Variants in RAN observed in about 807,000 individuals in gnomAD.
The protein encoded by RAN is GTP-binding nuclear protein Ran.
Under a neutral mutation model 26.8 loss-of-function variants are expected in RAN, and 2 were observed. That is an observed-to-expected ratio of 0.07 (90% confidence interval 0.03 to 0.23). The LOEUF (loss-of-function observed/expected upper bound fraction) is 0.23, where lower values mean the gene tolerates loss of function less well. Among genes scored for constraint, RAN ranks in the 10% least tolerant of loss-of-function variants. The pLI, the probability that RAN is intolerant of heterozygous loss-of-function variation, is 1.00. For synonymous variants in RAN, 132 were observed against 95.9 expected, an observed-to-expected ratio of 1.38 and a Z score of -2.20; for missense variants, 56 against 264.8, an observed-to-expected ratio of 0.21 and a Z score of 5.47.
chr12:130,877,294 A>G lies in RAN; in HGVS notation c.*1368A>G, dbSNP rs1217501517. On this transcript the variant is annotated 3_prime_UTR_variant, in exon 7 of 7. Transcript: ENST00000543796. Reference sequence around the variant, plus strand: ...AAAAGGTATAGAAAGGATCACTTAAATATATGGAAAAATGAAATAAGGGTG... The same window carrying G: ...AAAAGGTATAGAAAGGATCACTTAAGTATATGGAAAAATGAAATAAGGGTG... 1 of 152,206 alleles carries G rather than the reference A, an allele frequency of 6.6e-6. No homozygotes were observed. The highest frequency in any genetic ancestry group is 1.5e-5 in the Non-Finnish European group (1 of 68,048). 9.4% of individuals were successfully genotyped at this position (152,206 alleles called of 1,614,324 possible).
intron 5 of RAN, 126 bp from the exon 6 acceptor site, chr12:130,875,486 G>C: frequency 3.4e-6 from 3 of 875,730 alleles, no homozygotes; most frequent in Non-Finnish European, 3.4e-6. Flanking sequence ...GAAAGTGCTG[G>C]GATTACAGGC....
At chr12:130,875,811 G>C in intron 6 of RAN, 29 bp downstream of exon 6, 1 of 1,614,124 alleles carries the variant, frequency 6.2e-7, no homozygotes, top group African/African-American at 1.3e-5. Flanking sequence ...TGTTCAGATT[G>C]TTCGGTTTGG....
Position 130,874,673 on chromosome 12 carries a change from T to C in RAN, c.375T>C (p.Asp125=). ...TTGTGTTGTGTGGCAACAAAGTGGA[T>C]ATTAAGGACAGGAAAGTGAAGGCGA... ...IPIVLCGNKV[D]IKDRKVKAKS... Residue 125 remains aspartate, a synonymous_variant, in exon 5 of 7, where the codon GAT becomes GAC. Coordinates refer to ENST00000543796, the MANE Select transcript of RAN (RefSeq NM_006325.5). The C allele has an allele frequency of 6.2e-7, 1 of 1,613,784 alleles. No homozygotes were observed. Among genetic ancestry groups the C allele is most frequent in the Non-Finnish European group, 8.5e-7 (1 of 1,179,762 alleles).
Position 130,876,175 on chromosome 12 carries a change from A to G in RAN, c.*249A>G, listed in dbSNP as rs1373457464. ...TGATTCCTTGAGTTTCATATATAAG[A>G]CTGCTGCAGTCACATCACAATATTC... On this transcript the variant is annotated 3_prime_UTR_variant, in exon 7 of 7. Transcript: ENST00000543796. The G allele has an allele frequency of 5.6e-6, 3 of 534,410 alleles. No homozygotes were observed. The highest frequency in any genetic ancestry group is 1.0e-5 in the Non-Finnish European group (3 of 300,260). 33.1% of individuals were successfully genotyped at this position (534,410 alleles called of 1,614,324 possible).
At chr12:130,875,187 T>C (rs766600072) in intron 5 of RAN, among the ~76,000 whole-genome samples, 3 of 152,178 alleles carry the variant, frequency 2.0e-5, no homozygotes, top group Non-Finnish European at 4.4e-5. Context: ...TGGGTTTCAC[T>C]GTTGGCCCGG....
chr12:130,872,353 C>T (rs1019982989), intron 1 of RAN: 40 of 158,614 alleles, frequency 2.5e-4, no homozygotes, highest in Non-Finnish European at 5.1e-4. Flanking sequence ...CATCCCCGTC[C>T]CGGTCCCAGT....
chr12:130,875,260 T>TG lies in RAN; in HGVS notation c.436-351dup, dbSNP rs1471537544. ...TGTTCGAGACAGGGTCTTGCTCTGT[T>TG]GCCCAGGCAGGAGTGCAGTGGCATG... On this transcript the variant is annotated intron_variant, in intron 5 of 6. Coordinates refer to ENST00000543796, the MANE Select transcript of RAN (RefSeq NM_006325.5). Among the ~76,000 whole-genome samples the TG allele has an allele frequency of 8.5e-5, 13 of 152,336 alleles. No individual in the cohort carries two copies. The South Asian group carries it at 2.7e-3, about 32-fold the overall frequency.
rs1953198435 is a variant in RAN at position 130,874,339 on chromosome 12, A to G, written c.248-207A>G. 4 of 494,980 alleles carry G rather than the reference A, an allele frequency of 8.1e-6. No homozygotes were observed. In the South Asian group the frequency reaches 1.4e-4, roughly 18 times the overall value. 30.7% of individuals were successfully genotyped at this position (494,980 alleles called of 1,614,324 possible). On this transcript the variant is annotated intron_variant, in intron 4 of 6. Transcript: ENST00000543796. ...GTATTAATGGTGAAGTATATCAGGG[A>G]GATTTGATAGGGTCAGCTCATCTCT...
rs557961315 is a variant in RAN at position 130,877,220 on chromosome 12, C to T, written c.*1294C>T. On this transcript the variant is annotated 3_prime_UTR_variant, in exon 7 of 7. Transcript: ENST00000543796. Reference sequence around the variant, plus strand: ...CATACGATTACTATAGTCCAGTTTACCAAAGTTTTCTTTAGATGTCTGATA... The same window carrying T: ...CATACGATTACTATAGTCCAGTTTATCAAAGTTTTCTTTAGATGTCTGATA... 1 of 152,048 alleles carries T rather than the reference C, an allele frequency of 6.6e-6. No individual in the cohort carries two copies. Among genetic ancestry groups the T allele is most frequent in the African/African-American group, 2.4e-5 (1 of 41,406 alleles). 9.4% of individuals were successfully genotyped at this position (152,048 alleles called of 1,614,324 possible).
rs547640958 is a variant in RAN at position 130,877,587 on chromosome 12, C to G, written c.*1661C>G. On this transcript the variant is annotated 3_prime_UTR_variant, in exon 7 of 7. Coordinates refer to ENST00000543796, the MANE Select transcript of RAN (RefSeq NM_006325.5). ...CAGTTGAAATTTGGAAGTGACGTCA[C>G]TTACCTGTCTAACGTGGTGTGGGAG... 6.6e-6 allele frequency: 1 copy of G among 152,340 alleles called. No individual in the cohort carries two copies. The highest frequency in any genetic ancestry group is 2.1e-4 in the South Asian group (1 of 4,834). The allele number at this position is 152,340 out of a possible 1,614,324, so 9.4% of individuals were successfully genotyped here.
chr12:130,873,290 AATTTT>A, intron 4 of RAN, 162 bp downstream of exon 4: 2 of 899,944 alleles, frequency 2.2e-6, no homozygotes, highest in Non-Finnish European at 3.4e-6. Flanking sequence ...TGGCAGAGAA[AATTTT>A]ATTAAAGTTG....
At position 130,875,983 on chromosome 12, in the gene RAN, T is replaced by A; in HGVS notation, c.*57T>A. ...AGTTTTATAGGCAGCTGTCCTGTGA[T>A]GTCAGCGGTGCAGCGTGTGTGCCAC... On this transcript the variant is annotated 3_prime_UTR_variant, in exon 7 of 7. Coordinates refer to ENST00000543796, the MANE Select transcript of RAN (RefSeq NM_006325.5). 6.4e-7 allele frequency: 1 copy of A among 1,553,906 alleles called. No homozygotes were observed. Among genetic ancestry groups the A allele is most frequent in the Non-Finnish European group, 8.9e-7 (1 of 1,126,966 alleles).
Position 130,872,585 on chromosome 12 carries a change from A to G in RAN, c.-9A>G. ...CGCCTCCGTCCTCTGCCTCCGCAGG[A>G]ACGCCGCGATGGCTGCGCAGGGAGA... On this transcript the variant is annotated splice_region_variant and 5_prime_UTR_variant, in exon 2 of 7. Coordinates refer to ENST00000543796, the MANE Select transcript of RAN (RefSeq NM_006325.5). 6.6e-7 allele frequency: 1 copy of G among 1,514,748 alleles called. No individual in the cohort carries two copies. The highest frequency in any genetic ancestry group is 1.3e-5 in the South Asian group (1 of 78,290). 93.8% of individuals were successfully genotyped at this position (1,514,748 alleles called of 1,614,324 possible). A position where few individuals can be genotyped will look rare whatever the true frequency, so the allele number is the denominator to read the frequency against.
Position 130,875,973 on chromosome 12 carries a change from T to C in RAN, c.*47T>C. On this transcript the variant is annotated 3_prime_UTR_variant, in exon 7 of 7. Coordinates refer to ENST00000543796, the MANE Select transcript of RAN (RefSeq NM_006325.5). Reference sequence around the variant, plus strand: ...TCAGAAGTCTAGTTTTATAGGCAGCTGTCCTGTGATGTCAGCGGTGCAGCG... The same window carrying C: ...TCAGAAGTCTAGTTTTATAGGCAGCCGTCCTGTGATGTCAGCGGTGCAGCG... 1 of 1,577,498 alleles carries C rather than the reference T, an allele frequency of 6.3e-7. No individual in the cohort carries two copies. The highest frequency in any genetic ancestry group is 8.7e-7 in the Non-Finnish European group (1 of 1,148,010).
In RAN at chr12:130,876,109, C is replaced by A. The variant is rs1953234959; in HGVS notation, c.*183C>A. 1 of 653,494 alleles carries A rather than the reference C, an allele frequency of 1.5e-6. No homozygotes were observed. Among genetic ancestry groups the A allele is most frequent in the Non-Finnish European group, 2.6e-6 (1 of 385,476 alleles). The allele number at this position is 653,494 out of a possible 1,614,324, so 40.5% of individuals were successfully genotyped here. On this transcript the variant is annotated 3_prime_UTR_variant, in exon 7 of 7. Transcript: ENST00000543796. ...AATGTGGCAGTTTAAAAAATAACTT[C>A]ATTGTTTGGACCTGCATATTTAGCT...
chr12:130,874,670 G>A lies in RAN; in HGVS notation c.372G>A (p.Val124=), dbSNP rs1325338797. 1.2e-6 allele frequency: 2 copies of A among 1,613,682 alleles called. No individual in the cohort carries two copies. The highest frequency in any genetic ancestry group is 1.7e-6 in the Non-Finnish European group (2 of 1,179,688). ...NIPIVLCGNK[V]DIKDRKVKAK... ...CCATTGTGTTGTGTGGCAACAAAGT[G>A]GATATTAAGGACAGGAAAGTGAAGG... Residue 124 remains valine, a synonymous_variant, in exon 5 of 7, where the codon GTG becomes GTA. Coordinates refer to ENST00000543796, the MANE Select transcript of RAN (RefSeq NM_006325.5).
chr12:130,876,125 A>G lies in RAN; in HGVS notation c.*199A>G, dbSNP rs1953235364. 4.9e-6 allele frequency: 3 copies of G among 609,506 alleles called. No homozygotes were observed. Among genetic ancestry groups the G allele is most frequent in the African/African-American group, 1.9e-5 (1 of 54,018 alleles). The allele number at this position is 609,506 out of a possible 1,614,324, so 37.8% of individuals were successfully genotyped here. A position where few individuals can be genotyped will look rare whatever the true frequency, so the allele number is the denominator to read the frequency against. ...AAATAACTTCATTGTTTGGACCTGC[A>G]TATTTAGCTGTTTTGGAACGCAGTT... On this transcript the variant is annotated 3_prime_UTR_variant, in exon 7 of 7. Transcript: ENST00000543796.
chr12:130,873,559 C>G (rs1431942433), intron 4 of RAN: 1 of 171,122 alleles, frequency 5.8e-6, no homozygotes, highest in East Asian at 1.6e-4. Flanking sequence ...TAGCTGATTT[C>G]TTGTTAAATT....
chr12:130,872,976 C>G, intron 3 of RAN, 27 bp from the exon 4 acceptor site: 1 of 1,614,158 alleles, frequency 6.2e-7, no homozygotes, highest in African/African-American at 1.3e-5. Context: ...TAAGTTCATC[C>G]ACTCAATCGC....
Sources: gnomAD v4.1 joint callset for allele counts (sites outside exome capture counted in the v4.1 genomes callset) on GRCh38, gnomAD v4.1.1 for gene constraint, MANE v1.5 for transcripts, NCBI Gene and HGNC (gene_info 2026-07-23, HGNC 2026-07-21) for gene names.